VIPR2: variants seen among roughly 807,000 people sequenced by gnomAD.
VIPR2 encodes the protein vasoactive intestinal peptide receptor 2, also known as vasoactive intestinal polypeptide receptor 2.
VIPR2 carries 48 observed loss-of-function variants against 58.0 expected under a neutral mutation model. That is an observed-to-expected ratio of 0.83 (90% confidence interval 0.66 to 1.05). VIPR2 has a LOEUF of 1.05. VIPR2 is among the 50% of genes least tolerant of loss of function. The probability of loss-of-function intolerance (pLI) is 0.00; values close to 1 mark genes in which losing one functional copy is unlikely to be tolerated. For synonymous variants in VIPR2, 243 were observed against 235.2 expected, an observed-to-expected ratio of 1.03 and a Z score of -0.30; for missense variants, 534 against 558.0, an observed-to-expected ratio of 0.96 and a Z score of 0.43.
chr7:159,061,794 T>G (rs552529919), intron 4 of VIPR2, among the ~76,000 whole-genome samples: 81 of 152,294 alleles, frequency 5.3e-4, no homozygotes, highest in African/African-American at 1.6e-3. Flanking sequence ...GCTTTCTGGA[T>G]CTCACGCTCA....
chr7:159,111,450 T>C (rs908888411), intron 2 of VIPR2, among the ~76,000 whole-genome samples: 3 of 151,360 alleles, frequency 2.0e-5, no homozygotes, highest in Admixed American at 1.3e-4. Flanking sequence ...GAGGATGAGG[T>C]TGGTGGATCA....
rs995127043 is a variant in VIPR2, at chr7:159,093,093, C to T, written c.357+10664G>A. 4.6e-5 allele frequency among the ~76,000 whole-genome samples: 7 copies of T among 152,082 alleles called. No homozygotes were observed. Among genetic ancestry groups the T allele is most frequent in the African/African-American group, 9.7e-5 (4 of 41,404 alleles). ...TCCACTCAGAGAACCCGTCTAGCAG[C>T]GGAGATGCTGCTCCCAAGCTGAGAG... On this transcript the variant is annotated intron_variant, in intron 4 of 12. Coordinates refer to ENST00000262178, the MANE Select transcript of VIPR2 (RefSeq NM_003382.5). The surrounding 1 kb of genome is among the most constrained non-coding windows in gnomAD (Gnocchi z 6.7).
chr7:159,129,897 GGGGGGACAGGGC>G, intron 2 of VIPR2, among the ~76,000 whole-genome samples: 2 of 83,806 alleles, frequency 2.4e-5, no homozygotes, highest in African/African-American at 1.8e-4. Flanking sequence ...CTGGCCTCTG[GGGGGGACAGGGC>G]TGGGGGGACA....
chr7:159,052,428 C>CA lies in VIPR2; in HGVS notation c.455+6052dup, dbSNP rs1032013432. On this transcript the variant is annotated intron_variant, in intron 5 of 12. Transcript: ENST00000262178. ...TGGACAGCCAAATAAAACCTGCTCA[C>CA]AAAAAAAACTCTCTGCCCTGTTGGC... Among the ~76,000 whole-genome samples the CA allele has an allele frequency of 7.2e-5, 11 of 151,830 alleles. No individual in the cohort carries two copies. In the East Asian group the frequency reaches 1.2e-3, roughly 16 times the overall value.
chr7:159,046,911 C>A (rs1854686617), intron 5 of VIPR2, among the ~76,000 whole-genome samples: 1 of 152,072 alleles, frequency 6.6e-6, no homozygotes, highest in African/African-American at 2.4e-5. Context: ...CAAACTATTG[C>A]CCACAGAGTA....
chr7:159,134,048 A>T (rs991285291), intron 2 of VIPR2, among the ~76,000 whole-genome samples: 9 of 152,224 alleles, frequency 5.9e-5, no homozygotes, highest in Admixed American at 2.0e-4. Flanking sequence ...CTGAAATTAT[A>T]CTAAGTTAAA....
chr7:159,125,434 C>T (rs1796618077), intron 2 of VIPR2, among the ~76,000 whole-genome samples: 1 of 152,216 alleles, frequency 6.6e-6, no homozygotes, highest in Non-Finnish European at 1.5e-5. Flanking sequence ...TCACTTTAGA[C>T]TGGACCAGTG....
At chr7:159,101,120 T>C (rs1303865139) in intron 4 of VIPR2, among the ~76,000 whole-genome samples, 20 of 125,882 alleles carry the variant, frequency 1.6e-4, no homozygotes, top group Admixed American at 2.5e-4. Context: ...CGGTTCCGAC[T>C]GTTCCTGTGG....
At chr7:159,040,320 T>TC (rs1455763748) in intron 6 of VIPR2, among the ~76,000 whole-genome samples, 1 of 152,232 alleles carries the variant, frequency 6.6e-6, no homozygotes, top group East Asian at 1.9e-4. Context: ...AGCTGGTCCC[T>TC]CCTCAGCCCC....
At chr7:159,143,330 G>T (rs1797549553) in intron 1 of VIPR2, among the ~76,000 whole-genome samples, 1 of 152,224 alleles carries the variant, frequency 6.6e-6, no homozygotes, top group African/African-American at 2.4e-5. Flanking sequence ...GGGGCTTAAG[G>T]AGGGCTCCCC....
At chr7:159,090,580 A>G (rs1391944872) in intron 4 of VIPR2, among the ~76,000 whole-genome samples, 70 of 114,722 alleles carry the variant, frequency 6.1e-4, no homozygotes, top group Non-Finnish European at 8.5e-4. Flanking sequence ...TGTGACCATC[A>G]CAATCCCCGG....
At chr7:159,054,862 A>C (rs1196617342) in intron 5 of VIPR2, among the ~76,000 whole-genome samples, 1 of 152,218 alleles carries the variant, frequency 6.6e-6, no homozygotes, top group East Asian at 1.9e-4. Flanking sequence ...TGATCCCATC[A>C]GGGTATTAGC....
chr7:159,144,675 A>T, intron 1 of VIPR2, 46 bp downstream of exon 1: 1 of 1,350,290 alleles, frequency 7.4e-7, no homozygotes, highest in Non-Finnish European at 9.5e-7. Flanking sequence ...GGAAGGGGAG[A>T]ACCGGGTCCG....
At position 159,127,858 on chromosome 7, in the gene VIPR2, T is replaced by C. The variant is rs191394371; in HGVS notation, c.151+14588A>G. On this transcript the variant is annotated intron_variant, in intron 2 of 12. Coordinates refer to ENST00000262178, the MANE Select transcript of VIPR2 (RefSeq NM_003382.5). The surrounding 1 kb of genome is among the most constrained non-coding windows in gnomAD (Gnocchi z 4.6). The stretch of plus-strand genomic sequence containing the variant: ...GGATGCTGCTGGGGCCGCAGGGGCT[T>C]AGGGCTGGGGCCACGCGAGGCCTTG... Among the ~76,000 whole-genome samples the C allele has an allele frequency of 6.6e-6, 1 of 152,280 alleles. No individual in the cohort carries two copies. The highest frequency in any genetic ancestry group is 2.4e-5 in the African/African-American group (1 of 41,570).
chr7:159,093,596 A>G lies in VIPR2; in HGVS notation c.357+10161T>C, dbSNP rs1857624811. ...AGAGCAGCGCTGGGCTCAGGATCCG[A>G]GATGGGAGCGAGGAGCTGTTCCACC... On this transcript the variant is annotated intron_variant, in intron 4 of 12. Transcript: ENST00000262178. The surrounding 1 kb of genome is among the most constrained non-coding windows in gnomAD (Gnocchi z 6.7). 6.6e-6 allele frequency among the ~76,000 whole-genome samples: 1 copy of G among 152,210 alleles called. No individual in the cohort carries two copies. The highest frequency in any genetic ancestry group is 2.4e-5 in the African/African-American group (1 of 41,454).
At chr7:159,034,104 T>TGGCGGA (rs1394787268) in intron 10 of VIPR2, 109 bp downstream of exon 10, 1 of 1,023,046 alleles carries the variant, frequency 9.8e-7, no homozygotes, top group Non-Finnish European at 1.5e-6. Context: ...GGTGTGACAG[T>TGGCGGA]GGCGGAGGCG....
chr7:159,112,336 AGCAGCCGGAAGTGCAGCCGAAGGC>A (rs1796047917), intron 2 of VIPR2, among the ~76,000 whole-genome samples: 1 of 152,214 alleles, frequency 6.6e-6, no homozygotes, highest in Admixed American at 6.5e-5. Flanking sequence ...AGGCTGAGGT[AGCAGCCGGAAGTGCAGCCGAAGGC>A]GCAGCCGGAA....
intron 4 of VIPR2, among the ~76,000 whole-genome samples, chr7:159,089,952 G>T (rs917048505): frequency 1.3e-5 from 2 of 152,260 alleles, no homozygotes; most frequent in Non-Finnish European, 2.9e-5. Context: ...GATGAAAGGG[G>T]ATGGCAAATC....
intron 5 of VIPR2, among the ~76,000 whole-genome samples, chr7:159,044,564 A>G (rs1854536907): frequency 6.7e-6 from 1 of 150,364 alleles, no homozygotes; most frequent in South Asian, 2.1e-4. Flanking sequence ...CTTTAAATAA[A>G]GTGTCTTAAA....
Sources: allele counts gnomAD v4.1 joint callset (sites outside exome capture counted in the v4.1 genomes callset), GRCh38; gene constraint gnomAD v4.1.1; non-coding constraint Gnocchi (gnomAD v3.1); transcripts MANE v1.5; gene names NCBI Gene and HGNC (gene_info 2026-07-23, HGNC 2026-07-21).